The following CALB2 variants were observed in gnomAD, a reference collection of about 807,000 sequenced individuals.
The protein encoded by CALB2 is calretinin.
In CALB2, 34 loss-of-function variants were observed where a neutral mutation model predicts 45.9. The ratio of observed to expected loss-of-function variants is 0.74; its 90% CI spans 0.56 to 0.99. CALB2 has a LOEUF of 0.99. Among genes scored for constraint, CALB2 ranks in the 50% least tolerant of loss-of-function variants. The pLI is 0.00. For missense variants in CALB2, 344 were observed against 339.3 expected, an observed-to-expected ratio of 1.01 and a Z score of -0.11; for synonymous variants, 142 against 129.6, an observed-to-expected ratio of 1.10 and a Z score of -0.65.
At position 71,384,848 on chromosome 16, in the gene CALB2, A is replaced by C. The variant is rs779791829; in HGVS notation, c.627+12A>C. ...CATTTTACGACAAGGTAAGAGAGGG[A>C]GTTGGCATGGCAGGGAAAATCAGAA... On this transcript the variant is annotated intron_variant, in intron 9 of 10. Transcript: ENST00000302628. 43 of 1,611,460 alleles carry C rather than the reference A, an allele frequency of 2.7e-5. No homozygotes were observed. The highest frequency in any genetic ancestry group is 3.5e-5 in the Non-Finnish European group (41 of 1,178,136).
chr16:71,374,484 C>T (rs926034400), intron 2 of CALB2, among the ~76,000 whole-genome samples: 4 of 152,158 alleles, frequency 2.6e-5, no homozygotes, highest in African/African-American at 9.7e-5. Flanking sequence ...TCAAAGGCAG[C>T]AGGGCATGTT....
chr16:71,364,234 C>T (rs1424560628), intron 1 of CALB2, among the ~76,000 whole-genome samples: 3 of 152,038 alleles, frequency 2.0e-5, no homozygotes, highest in Admixed American at 6.5e-5. Flanking sequence ...CGGGGGAGCC[C>T]GCCTAAGGGA....
At chr16:71,383,523 C>T (rs2042525696) in intron 6 of CALB2, 79 bp downstream of exon 6, 4 of 1,279,096 alleles carry the variant, frequency 3.1e-6, no homozygotes, top group Non-Finnish European at 4.4e-6. Flanking sequence ...TGTGCAGGGT[C>T]CCTTGTTTGC....
intron 5 of CALB2, 44 bp downstream of exon 5, chr16:71,382,819 G>C (rs757188848): frequency 1.3e-6 from 2 of 1,546,722 alleles, no homozygotes; most frequent in Non-Finnish European, 1.8e-6. Flanking sequence ...AGTGGCGGTG[G>C]GCTTAAGGTG....
intron 10 of CALB2, among the ~76,000 whole-genome samples, chr16:71,386,251 C>T (rs947767215): frequency 2.0e-5 from 3 of 152,230 alleles, no homozygotes; most frequent in Non-Finnish European, 4.4e-5. Context: ...CTTCTGTGGA[C>T]GCTTGGGTTG....
chr16:71,377,884 G>A (rs2042436456), intron 4 of CALB2, 137 bp downstream of exon 4: 2 of 613,044 alleles, frequency 3.3e-6, no homozygotes. Flanking sequence ...CTCAAAGTGT[G>A]GTCCGTGGAC....
intron 2 of CALB2, among the ~76,000 whole-genome samples, chr16:71,373,612 G>A (rs1489899616): frequency 1.3e-5 from 2 of 152,164 alleles, no homozygotes; most frequent in Non-Finnish European, 2.9e-5. Context: ...CTGGTTCTCA[G>A]AGCAGCTGTT....
chr16:71,373,472 G>C (rs115657655), intron 2 of CALB2, among the ~76,000 whole-genome samples: 2,900 of 152,244 alleles, frequency 0.019, 97 homozygotes, highest in African/African-American at 0.064. Context: ...TGGGATCATG[G>C]GCTAGTCGGA....
At position 71,358,818 on chromosome 16, in the gene CALB2, C is replaced by T. The variant is rs1425992352; in HGVS notation, c.26C>T (p.Pro9Leu). The change falls in exon 1 of 11, where the codon CCT becomes CTT. Residue 9 changes from proline to leucine, a missense_variant. Physicochemically the swap from Pro to Leu is moderately conservative, Grantham distance 98. Coordinates refer to ENST00000302628, the MANE Select transcript of CALB2 (RefSeq NM_001740.5). ...ATGGCTGGCCCGCAGCAGCAGCCCC[C>T]TTACCTGCACCTGGCCGAGCTGACG... The part of the protein sequence containing the change: MAGPQQQP[P>L]YLHLAELTAS... 5 of 1,611,154 alleles carry T rather than the reference C, an allele frequency of 3.1e-6. No individual in the cohort carries two copies. In the African/African-American group the frequency reaches 4.0e-5, roughly 13 times the overall value.
chr16:71,380,496 C>T (rs926215502), intron 4 of CALB2, among the ~76,000 whole-genome samples: 49 of 151,578 alleles, frequency 3.2e-4, no homozygotes, highest in South Asian at 2.1e-4. Flanking sequence ...TTAATAGAGA[C>T]GGGGTTTCTC....
intron 5 of CALB2, 83 bp from the exon 6 acceptor site, chr16:71,383,284 A>C: frequency 1.7e-6 from 2 of 1,206,604 alleles, no homozygotes; most frequent in Non-Finnish European, 2.4e-6. Context: ...ACATTGAGAG[A>C]CTGTCTGAAT....
intron 9 of CALB2, 116 bp downstream of exon 9, chr16:71,384,952 T>C (rs1460061660): frequency 5.9e-6 from 5 of 842,370 alleles, no homozygotes; most frequent in Non-Finnish European, 9.9e-6. Flanking sequence ...GGCCGTGTGG[T>C]TTCTTCCTGC....
chr16:71,370,997 C>G (rs2042344189), intron 1 of CALB2, among the ~76,000 whole-genome samples: 1 of 152,172 alleles, frequency 6.6e-6, no homozygotes, highest in African/African-American at 2.4e-5. Flanking sequence ...CTGCACTTTT[C>G]CCACAGATTC....
Position 71,385,773 on chromosome 16 carries a change from T to C in CALB2, c.699+125T>C, listed in dbSNP as rs890598567. On this transcript the variant is annotated intron_variant, in intron 10 of 10. Transcript: ENST00000302628. ...CCTCTGATCTGCCACAGCAAGGCAA[T>C]AGACATTTTGTGGGTTTGCTTTTGG... 9.5e-5 allele frequency: 62 copies of C among 655,622 alleles called. 1 individual carries two copies. The highest frequency in any genetic ancestry group is 1.3e-4 in the Non-Finnish European group (52 of 395,440). 40.6% of individuals were successfully genotyped at this position (655,622 alleles called of 1,614,324 possible). A position where few individuals can be genotyped will look rare whatever the true frequency, so the allele number is the denominator to read the frequency against.
rs77087262 is a variant in CALB2, at chr16:71,363,526, G to C, written c.94+4640G>C. ...CTTCTCCAAGCCCACACAACACTGAGGACCACTCAGGGCCAGACTGCAGTG... is the reference window on the plus strand; with the variant it reads ...CTTCTCCAAGCCCACACAACACTGACGACCACTCAGGGCCAGACTGCAGTG... On this transcript the variant is annotated intron_variant, in intron 1 of 10. Transcript: ENST00000302628. 6.0e-3 allele frequency among the ~76,000 whole-genome samples: 910 copies of C among 152,296 alleles called. 6 individuals are homozygous for C. Among genetic ancestry groups the C allele is most frequent in the Non-Finnish European group, 7.9e-3 (540 of 68,032 alleles).
intron 3 of CALB2, among the ~76,000 whole-genome samples, chr16:71,376,288 A>C (rs573770205): frequency 2.0e-5 from 3 of 152,296 alleles, no homozygotes; most frequent in African/African-American, 7.2e-5. Flanking sequence ...ACTTGGCCTG[A>C]GGGCCATAGC....
chr16:71,385,364 A>G, intron 9 of CALB2: 1 of 480,038 alleles, frequency 2.1e-6, no homozygotes, highest in Non-Finnish European at 3.7e-6. Context: ...AAAGCACCAC[A>G]ATGAAAGGCT....
intron 2 of CALB2, among the ~76,000 whole-genome samples, chr16:71,373,686 A>T (rs2042379095): frequency 6.6e-6 from 1 of 152,202 alleles, no homozygotes; most frequent in South Asian, 2.1e-4. Flanking sequence ...GGCTTTACTT[A>T]CTGGGTGCCC....
chr16:71,383,395 C>T lies in CALB2; in HGVS notation c.428C>T (p.Ala143Val), dbSNP rs755165733. 1.1e-5 allele frequency: 18 copies of T among 1,614,058 alleles called. No homozygotes were observed. Among genetic ancestry groups the T allele is most frequent in the South Asian group, 2.2e-5 (2 of 91,070 alleles). The change falls in exon 6 of 11, where the codon GCG (alanine) becomes GTG (valine). Residue 143 changes from alanine (A) to valine (V), a missense_variant. This residue lies in a region of CALB2 where 263 missense variants were observed against 241.7 expected (regional missense o/e 1.09). Coordinates refer to ENST00000302628, the MANE Select transcript of CALB2 (RefSeq NM_001740.5). ...KGFLSDLLKK[A>V]NRPYDEPKLQ... ...TTCCTGTCAGACCTGCTGAAGAAGGCGAACCGGCCGTACGATGAGCCCAAG... is the reference window on the plus strand; with the variant it reads ...TTCCTGTCAGACCTGCTGAAGAAGGTGAACCGGCCGTACGATGAGCCCAAG...
Sources: allele counts gnomAD v4.1 joint callset (sites outside exome capture counted in the v4.1 genomes callset), GRCh38; gene constraint gnomAD v4.1.1; regional missense constraint gnomAD v4.1.1; transcripts MANE v1.5; gene names NCBI Gene and HGNC (gene_info 2026-07-23, HGNC 2026-07-21).